Variants in NOL4L observed in about 807,000 individuals in gnomAD.
NOL4L encodes nucleolar protein 4-like.
In NOL4L, 7 loss-of-function variants were observed where a neutral mutation model predicts 64.5. That is an observed-to-expected ratio of 0.11 (90% CI 0.06 to 0.20). NOL4L has a LOEUF of 0.20. Ranked by LOEUF, NOL4L falls within the 10% of genes least tolerant of loss-of-function variation. The pLI is 1.00. For missense variants in NOL4L, 680 were observed against 967.1 expected (o/e 0.70, Z 3.94); for synonymous variants, 413 against 401.0 (o/e 1.03, Z -0.36).
At chr20:32,462,544 G>A (rs2014166830) in intron 5 of NOL4L, among the ~76,000 whole-genome samples, 1 of 152,096 alleles carries the variant, frequency 6.6e-6, no homozygotes, top group Admixed American at 6.5e-5. Context: ...GGGAAAGAAG[G>A]AAAAGAGAGA....
rs1343392160 is a variant in NOL4L, at chr20:32,494,252, GGAAAAAAA to G, written c.699+17087_699+17094del. ...TGGGCCACAGAGTGAGATAATCTCG[GGAAAAAAA>G]AAAAAAAAAAAAAAAAAAAAAACAC... On this transcript the variant is annotated intron_variant, in intron 4 of 10. Coordinates refer to ENST00000621426, the MANE Select transcript of NOL4L (RefSeq NM_001256798.2). 2.5e-3 allele frequency among the ~76,000 whole-genome samples: 67 copies of G among 27,084 alleles called. 6 individuals carry two copies. Among genetic ancestry groups the G allele is most frequent in the East Asian group, 0.023 (5 of 222 alleles). 17.8% of individuals were successfully genotyped at this position (27,084 alleles called of 152,430 possible).
At chr20:32,528,108 T>G (rs1484912070) in intron 1 of NOL4L, among the ~76,000 whole-genome samples, 195 bp from the exon 2 acceptor site, 1 of 152,160 alleles carries the variant, frequency 6.6e-6, no homozygotes, top group African/African-American at 2.4e-5. Flanking sequence ...CTATGAAATC[T>G]ACCAGCAACA....
chr20:32,507,375 G>A (rs2017179495), intron 4 of NOL4L, among the ~76,000 whole-genome samples: 1 of 152,106 alleles, frequency 6.6e-6, no homozygotes, highest in Non-Finnish European at 1.5e-5. Context: ...TGTACATTGA[G>A]GACACTATAA....
chr20:32,470,663 A>G (rs7270946), intron 5 of NOL4L, among the ~76,000 whole-genome samples: 2,382 of 152,294 alleles, frequency 0.016, 68 homozygotes, highest in African/African-American at 0.054. Context: ...AAGAAAGCCC[A>G]CGCCTCAGCC....
chr20:32,509,831 G>A, intron 4 of NOL4L: 11 of 1,304,016 alleles, frequency 8.4e-6, no homozygotes, highest in Middle Eastern at 2.2e-4. Flanking sequence ...AAAACCAGGG[G>A]GCTGTGCTTC....
chr20:32,468,157 C>T (rs79399568), intron 5 of NOL4L, among the ~76,000 whole-genome samples: 1,733 of 152,230 alleles, frequency 0.011, 41 homozygotes, highest in African/African-American at 0.04. Flanking sequence ...GACCATACTT[C>T]GGGGAAGGGC....
chr20:32,559,111 C>G (rs528871796), intron 1 of NOL4L, among the ~76,000 whole-genome samples: 2 of 152,230 alleles, frequency 1.3e-5, no homozygotes, highest in Non-Finnish European at 2.9e-5. Flanking sequence ...CTCCAGGAAG[C>G]CTTCCCTGGC....
At chr20:32,527,238 T>C (rs1163773905) in intron 2 of NOL4L, among the ~76,000 whole-genome samples, 9 of 152,058 alleles carry the variant, frequency 5.9e-5, no homozygotes, top group South Asian at 4.2e-4. Context: ...CCAAATCCAA[T>C]TGTGATCTCC....
chr20:32,583,704 G>A (rs942587048), intron 1 of NOL4L, among the ~76,000 whole-genome samples: 1 of 147,588 alleles, frequency 6.8e-6, no homozygotes, highest in Non-Finnish European at 1.5e-5. Flanking sequence ...GGGAGCCGCG[G>A]GGCCCGCGCC....
intron 4 of NOL4L, among the ~76,000 whole-genome samples, chr20:32,475,912 C>G (rs1393618003): frequency 2.0e-5 from 3 of 152,198 alleles, no homozygotes; most frequent in African/African-American, 7.2e-5. Context: ...CTCCCTCCCC[C>G]ACCGGCTGGG....
In NOL4L at chr20:32,453,686, C is replaced by G; in HGVS notation, c.1195G>C (p.Gly399Arg). The G allele has an allele frequency of 6.4e-7, 1 of 1,568,766 alleles. No individual in the cohort carries two copies. Among genetic ancestry groups the G allele is most frequent in the Non-Finnish European group, 8.6e-7 (1 of 1,156,766 alleles). ...TCATCATCTGCCGTCGGGGCCCGGCCCACTGTCAGGTCCTCAGGGCAGCCG... is the reference window on the plus strand; with the variant it reads ...TCATCATCTGCCGTCGGGGCCCGGCGCACTGTCAGGTCCTCAGGGCAGCCG... ...VSGCPEDLTV[G>R]RAPTADDDDD... Residue 399 changes from glycine (G) to arginine (R), a missense_variant, in exon 7 of 11, where the codon GGC (glycine) becomes CGC (arginine). By Grantham distance (125) the Gly-to-Arg change is moderately radical. Around this residue, in one of 4 missense-constraint regions of NOL4L, gnomAD observed 254 missense variants for 238.7 expected, o/e 1.06. Transcript: ENST00000621426. The surrounding 1 kb of genome is among the most constrained non-coding windows in gnomAD (Gnocchi z 5.6).
In NOL4L at chr20:32,453,533, C is replaced by T. The variant is rs1479978811; in HGVS notation, c.1306-38G>A. The stretch of plus-strand genomic sequence containing the variant: ...GGGCCATGGGAAGGGCTGGCCCTGG[C>T]CTTGCCCCCATCCCACCCCACCTGT... On this transcript the variant is annotated intron_variant, in intron 7 of 10. Transcript: ENST00000621426. The surrounding 1 kb of genome is among the most constrained non-coding windows in gnomAD (Gnocchi z 5.6). 6 of 1,613,470 alleles carry T rather than the reference C, an allele frequency of 3.7e-6. No homozygotes were observed. The highest frequency in any genetic ancestry group is 1.3e-5 in the African/African-American group (1 of 74,920).
intron 1 of NOL4L, among the ~76,000 whole-genome samples, chr20:32,582,593 C>T (rs1175813114): frequency 6.6e-6 from 1 of 152,086 alleles, no homozygotes; most frequent in Non-Finnish European, 1.5e-5. Flanking sequence ...TGGGGGGTCA[C>T]CCCCCAACTC....
At chr20:32,528,728 C>T (rs377141682) in intron 1 of NOL4L, among the ~76,000 whole-genome samples, 24 of 152,178 alleles carry the variant, frequency 1.6e-4, no homozygotes, top group Non-Finnish European at 1.2e-4. Flanking sequence ...GGCCAGGGCC[C>T]GGAAGGGAAC....
intron 2 of NOL4L, among the ~76,000 whole-genome samples, chr20:32,521,570 A>G (rs1221994015): frequency 6.6e-6 from 1 of 152,192 alleles, no homozygotes; most frequent in Admixed American, 6.5e-5. Flanking sequence ...TCCAGGTCAC[A>G]CCACTCCACA....
chr20:32,455,057 G>A (rs906411564), intron 6 of NOL4L, among the ~76,000 whole-genome samples: 22 of 152,334 alleles, frequency 1.4e-4, no homozygotes, highest in African/African-American at 4.6e-4. Flanking sequence ...ATAACTGGCC[G>A]TGTGGCCCCA....
In NOL4L at chr20:32,447,269, T is replaced by TAACA; in HGVS notation, c.*323_*326dup. On this transcript the variant is annotated 3_prime_UTR_variant, in exon 11 of 11. Transcript: ENST00000621426. ...AGGTAATTATCTGGGGGTGGGATTC[T>TAACA]AACATCAGGGTCCACGAAGGTGATT... 4 of 553,808 alleles carry TAACA rather than the reference T, an allele frequency of 7.2e-6. No individual in the cohort carries two copies. Among genetic ancestry groups the TAACA allele is most frequent in the Middle Eastern group, 2.7e-4 (1 of 3,646 alleles). 34.3% of individuals were successfully genotyped at this position (553,808 alleles called of 1,614,324 possible).
rs2145631671 is a variant in NOL4L, at chr20:32,584,809, G to A, written c.82C>T (p.Arg28Trp). The A allele has an allele frequency of 1.3e-6, 2 of 1,530,148 alleles. No homozygotes were observed. Among genetic ancestry groups the A allele is most frequent in the Middle Eastern group, 1.7e-4 (1 of 5,962 alleles). 94.8% of individuals were successfully genotyped at this position (1,530,148 alleles called of 1,614,324 possible). The change falls in exon 1 of 11, where the codon CGG becomes TGG. Residue 28 changes from arginine to tryptophan, a missense_variant. Arg to Trp is a moderately radical substitution (Grantham distance 101). Coordinates refer to ENST00000621426, the MANE Select transcript of NOL4L (RefSeq NM_001256798.2). ...CCGTAGGTGCGCAAGCACCAGTCCC[G>A]GAACTGGCGGCCCAGCTCCGAGTCC... The part of the protein sequence containing the change: ...PGDSELGRQF[R>W]DWCLRTYGDS...
chr20:32,482,274 G>C (rs930966008), intron 4 of NOL4L, among the ~76,000 whole-genome samples: 12 of 152,244 alleles, frequency 7.9e-5, no homozygotes, highest in African/African-American at 2.6e-4. Context: ...GGAGGGAGTA[G>C]GGAATGGGGA....
Sources: allele counts gnomAD v4.1 joint callset (sites outside exome capture counted in the v4.1 genomes callset), GRCh38; gene constraint gnomAD v4.1.1; regional missense constraint gnomAD v4.1.1; non-coding constraint Gnocchi (gnomAD v3.1); transcripts MANE v1.5; gene names NCBI Gene and HGNC (gene_info 2026-07-23, HGNC 2026-07-21).